RBPJ: variants seen among roughly 807,000 people sequenced by gnomAD.
The protein encoded by RBPJ is recombination signal binding protein for immunoglobulin kappa J region.
Under a neutral mutation model 67.8 loss-of-function variants are expected in RBPJ, and 9 were observed. The ratio of observed to expected loss-of-function variants is 0.13; its 90% CI spans 0.08 to 0.23. The LOEUF (loss-of-function observed/expected upper bound fraction) is 0.23, where lower values mean the gene tolerates loss of function less well. Among genes scored for constraint, RBPJ ranks in the 10% least tolerant of loss-of-function variants. RBPJ has a pLI of 1.00. For missense variants in RBPJ, 305 were observed against 595.6 expected, an observed-to-expected ratio of 0.51 and a Z score of 5.08; for synonymous variants, 198 against 203.3, an observed-to-expected ratio of 0.97 and a Z score of 0.22.
chr4:26,420,495 T>A, intron 4 of RBPJ, 56 bp from the exon 5 acceptor site: 1 of 1,267,786 alleles, frequency 7.9e-7, no homozygotes, highest in Middle Eastern at 1.9e-4. Flanking sequence ...GAGTTTTAGG[T>A]ACTACATAAA....
Position 26,219,555 on chromosome 4 carries a change from G to A in RBPJ, c.-167+55941G>A, listed in dbSNP as rs137934186. On this transcript the variant is annotated intron_variant, in intron 1 of 4. Coordinates refer to the RBPJ transcript ENST00000512351. ...GCTTCAGCTATACAAGAACTGAGTC[G>A]AGCATCCGAAGTCCCTATGAATAAA... is the stretch of plus-strand genomic sequence containing the variant. 6.0e-3 allele frequency among the ~76,000 whole-genome samples: 915 copies of A among 152,260 alleles called. 13 individuals are homozygous for A. The highest frequency in any genetic ancestry group is 0.021 in the African/African-American group (871 of 41,554).
chr4:26,413,442 C>T (rs751660761), intron 3 of RBPJ, among the ~76,000 whole-genome samples: 23 of 152,172 alleles, frequency 1.5e-4, no homozygotes, highest in Non-Finnish European at 2.1e-4. Flanking sequence ...TTTATTATCT[C>T]TCTCCTATTA....
chr4:26,262,174 G>A (rs531779097), intron 1 of RBPJ, among the ~76,000 whole-genome samples: 7 of 151,978 alleles, frequency 4.6e-5, no homozygotes, highest in Non-Finnish European at 8.8e-5. Flanking sequence ...TGAACCCCTG[G>A]ACTCAAATGA....
intron 1 of RBPJ, among the ~76,000 whole-genome samples, chr4:26,381,277 A>C (rs1730302069): frequency 6.6e-6 from 1 of 152,044 alleles, no homozygotes; most frequent in South Asian, 2.1e-4. Context: ...TTTGGGAGAA[A>C]ACAATACCTC....
chr4:26,410,529 G>A (rs372352269), intron 3 of RBPJ, among the ~76,000 whole-genome samples: 2 of 152,182 alleles, frequency 1.3e-5, no homozygotes, highest in African/African-American at 4.8e-5. Context: ...TAGCAGTAAT[G>A]ATGCTGTTAA....
At chr4:26,236,166 G>A (rs766543600) in intron 1 of RBPJ, among the ~76,000 whole-genome samples, 1 of 152,142 alleles carries the variant, frequency 6.6e-6, no homozygotes, top group African/African-American at 2.4e-5. Context: ...GAGGAAAGAG[G>A]TCCTTTGTGG....
At chr4:26,205,429 A>T (rs1718135631) in intron 1 of RBPJ, among the ~76,000 whole-genome samples, 1 of 151,764 alleles carries the variant, frequency 6.6e-6, no homozygotes, top group South Asian at 2.1e-4. Context: ...AGCTTTTCTT[A>T]TTGCCCTCTC....
chr4:26,240,722 A>G (rs1339073989), intron 1 of RBPJ, among the ~76,000 whole-genome samples: 1 of 152,136 alleles, frequency 6.6e-6, no homozygotes. Context: ...TTTCATGTTT[A>G]TCCTGCTGAT....
chr4:26,341,612 TCAAAACAAAA>T (rs755458641), intron 1 of RBPJ, among the ~76,000 whole-genome samples: 6 of 150,814 alleles, frequency 4.0e-5, no homozygotes, highest in African/African-American at 9.7e-5. Context: ...AGACTCCATC[TCAAAACAAAA>T]CAAAACAAAA....
intron 1 of RBPJ, among the ~76,000 whole-genome samples, chr4:26,208,594 C>T (rs1225647054): frequency 6.6e-6 from 1 of 152,196 alleles, no homozygotes; most frequent in African/African-American, 2.4e-5. Flanking sequence ...GATCCCTTTG[C>T]CACAAGCCAT....
At chr4:26,371,230 T>A (rs1336149381) in intron 1 of RBPJ, among the ~76,000 whole-genome samples, 2 of 152,202 alleles carry the variant, frequency 1.3e-5, no homozygotes, top group Admixed American at 6.5e-5. Flanking sequence ...TAAATAATAA[T>A]GTAGTTTAAT....
chr4:26,340,726 G>T (rs2109395390), intron 1 of RBPJ, among the ~76,000 whole-genome samples: 1 of 152,140 alleles, frequency 6.6e-6, no homozygotes, highest in East Asian at 1.9e-4. Context: ...GGGCGTGGTG[G>T]CGGGCACCTG....
chr4:26,323,118 T>G (rs1299764809), intron 1 of RBPJ, among the ~76,000 whole-genome samples: 1 of 151,948 alleles, frequency 6.6e-6, no homozygotes, highest in African/African-American at 2.4e-5. Flanking sequence ...GTTTGAGTTT[T>G]AATTAATGGA....
chr4:26,272,745 A>G (rs1453931371), intron 1 of RBPJ: 1 of 452,260 alleles, frequency 2.2e-6, no homozygotes, highest in African/African-American at 2.0e-5. Flanking sequence ...TGCACCAACC[A>G]TATTTGAAAC....
At chr4:26,425,104 G>A (rs1553881631) in intron 7 of RBPJ, 1 of 275,854 alleles carries the variant, frequency 3.6e-6, no homozygotes, top group Non-Finnish European at 6.7e-6. Flanking sequence ...ATTTTTTTGT[G>A]GTACCTGCCA....
chr4:26,256,607 C>T (rs540497539), intron 1 of RBPJ, among the ~76,000 whole-genome samples: 1 of 152,228 alleles, frequency 6.6e-6, no homozygotes, highest in Admixed American at 6.5e-5. Flanking sequence ...TACATCATCC[C>T]TTATTTCAGA....
intron 1 of RBPJ, among the ~76,000 whole-genome samples, chr4:26,337,925 A>G (rs183185874): frequency 6.6e-6 from 1 of 151,518 alleles, no homozygotes; most frequent in East Asian, 1.9e-4. Flanking sequence ...GTCTTTTCTC[A>G]TTTTGTATAT....
At chr4:26,144,271 T>TC in the RBPJ span, among the ~76,000 whole-genome samples, 1 of 142,460 alleles carries the variant, frequency 7.0e-6, no homozygotes, top group Admixed American at 7.0e-5. Flanking sequence ...AAAATTCTTT[T>TC]TTTTTTTTTT....
the RBPJ span, among the ~76,000 whole-genome samples, chr4:26,139,050 C>G: frequency 3.3e-5 from 5 of 152,224 alleles, no homozygotes; most frequent in Non-Finnish European, 7.3e-5. Flanking sequence ...AGGCAGCTGC[C>G]AGCACCTGAG....
Sources: allele counts gnomAD v4.1 joint callset (sites outside exome capture counted in the v4.1 genomes callset), GRCh38; gene constraint gnomAD v4.1.1; transcripts MANE v1.5; gene names NCBI Gene and HGNC (gene_info 2026-07-23, HGNC 2026-07-21).